NAALADL2: variants seen among roughly 807,000 people sequenced by gnomAD.
NAALADL2 encodes the protein N-acetylated alpha-linked acidic dipeptidase like 2, also known as inactive N-acetylated-alpha-linked acidic dipeptidase-like protein 2.
In NAALADL2, 76 loss-of-function variants were observed where a neutral mutation model predicts 87.2. The ratio of observed to expected loss-of-function variants is 0.87; its 90% CI spans 0.72 to 1.05. The LOEUF (loss-of-function observed/expected upper bound fraction) is 1.05. NAALADL2 is among the 50% of genes least tolerant of loss of function. NAALADL2 has a pLI of 0.00. For missense variants in NAALADL2, 1,089 were observed against 945.8 expected (o/e 1.15, Z -1.99); for synonymous variants, 354 against 331.0 (o/e 1.07, Z -0.75).
At chr3:175,033,568 T>C (rs1270860855) in intron 1 of NAALADL2, among the ~76,000 whole-genome samples, 2 of 152,240 alleles carry the variant, frequency 1.3e-5, no homozygotes, top group South Asian at 4.1e-4. Context: ...CCTGATCCCA[T>C]AGTTGTATCT....
At chr3:174,862,144 T>C (rs1307698236) in intron 1 of NAALADL2, among the ~76,000 whole-genome samples, 1 of 152,026 alleles carries the variant, frequency 6.6e-6, no homozygotes. Flanking sequence ...GTTGCAAATA[T>C]GAATAAAATT....
At chr3:175,056,195 G>T (rs1293082267) in intron 1 of NAALADL2, among the ~76,000 whole-genome samples, 2 of 152,140 alleles carry the variant, frequency 1.3e-5, no homozygotes, top group African/African-American at 4.8e-5. Context: ...GTACAGAAGG[G>T]TAGGGATGAA....
chr3:174,949,980 G>A (rs1179411782), intron 1 of NAALADL2, among the ~76,000 whole-genome samples: 1 of 152,140 alleles, frequency 6.6e-6, no homozygotes, highest in Non-Finnish European at 1.5e-5. Flanking sequence ...ACCATTGAGG[G>A]CAGGTCTAAG....
chr3:174,823,239 T>TC (rs1721619817), intron 3 of NAALADL2, among the ~76,000 whole-genome samples: 1 of 152,110 alleles, frequency 6.6e-6, no homozygotes, highest in Non-Finnish European at 1.5e-5. Flanking sequence ...TCTTTCCTCT[T>TC]CTTTTTTTTT....
intron 5 of NAALADL2, among the ~76,000 whole-genome samples, chr3:175,439,136 A>G (rs1719255799): frequency 6.6e-6 from 1 of 152,176 alleles, no homozygotes; most frequent in African/African-American, 2.4e-5. Context: ...TTAACTTAGA[A>G]TAATGATCTC....
chr3:174,455,621 C>A (rs916343204), intron 1 of NAALADL2, among the ~76,000 whole-genome samples: 5 of 152,056 alleles, frequency 3.3e-5, no homozygotes, highest in Admixed American at 2.0e-4. Flanking sequence ...AAGACAAAAC[C>A]ATATGATCAT....
At chr3:174,625,338 A>G (rs901690594) in intron 2 of NAALADL2, among the ~76,000 whole-genome samples, 3 of 152,036 alleles carry the variant, frequency 2.0e-5, no homozygotes, top group Admixed American at 6.6e-5. Context: ...TACTACAGCC[A>G]TAAGCCACCA....
At chr3:175,086,380 T>C (rs1718913197) in intron 1 of NAALADL2, among the ~76,000 whole-genome samples, 1 of 151,520 alleles carries the variant, frequency 6.6e-6, no homozygotes, top group South Asian at 2.1e-4. Context: ...GAGGAAAACA[T>C]ATATAAATTT....
intron 2 of NAALADL2, among the ~76,000 whole-genome samples, chr3:174,651,139 T>C (rs935657609): frequency 6.6e-6 from 1 of 152,216 alleles, no homozygotes; most frequent in African/African-American, 2.4e-5. Context: ...GAATATGATT[T>C]GAAAACTATT....
At chr3:175,504,489 G>C (rs1729986152) in intron 9 of NAALADL2, among the ~76,000 whole-genome samples, 1 of 151,868 alleles carries the variant, frequency 6.6e-6, no homozygotes, top group African/African-American at 2.4e-5. Flanking sequence ...CATCAGGGTG[G>C]GGCCCTAATC....
rs139809783 is a variant in NAALADL2 at position 175,302,848 on chromosome 3, A to ATG, written c.940-21307_940-21306dup. On this transcript the variant is annotated intron_variant, in intron 4 of 13. Transcript: ENST00000454872. ...AACGTGTGTGTATATATGTGTGTGT[A>ATG]TGTGTGTGTGTGTGTGTGTGTATAT... 6.6e-3 allele frequency among the ~76,000 whole-genome samples: 982 copies of ATG among 148,912 alleles called. 7 individuals are homozygous for ATG. The highest frequency in any genetic ancestry group is 0.015 in the African/African-American group (615 of 40,710).
At chr3:174,819,996 G>A (rs1721245445) in intron 3 of NAALADL2, among the ~76,000 whole-genome samples, 1 of 152,108 alleles carries the variant, frequency 6.6e-6, no homozygotes, top group Non-Finnish European at 1.5e-5. Flanking sequence ...GAGAGGCTGG[G>A]GGTAGATCTA....
chr3:175,715,818 T>A (rs1741164381), intron 11 of NAALADL2, among the ~76,000 whole-genome samples: 1 of 152,056 alleles, frequency 6.6e-6, no homozygotes. Context: ...GAGGTTGCAG[T>A]GAGCCAAGAT....
chr3:174,762,321 T>A (rs76996154), intron 3 of NAALADL2, among the ~76,000 whole-genome samples: 785 of 113,552 alleles, frequency 6.9e-3, no homozygotes, highest in Middle Eastern at 0.03. Flanking sequence ...GCCTGGCTAA[T>A]TTTTTGTATT....
intron 1 of NAALADL2, among the ~76,000 whole-genome samples, chr3:175,000,283 G>T (rs1252646568): frequency 6.6e-6 from 1 of 152,172 alleles, no homozygotes; most frequent in Admixed American, 6.6e-5. Context: ...TGCAATAGAA[G>T]TATATGCAAG....
chr3:174,450,493 T>C (rs1715405036), intron 1 of NAALADL2, among the ~76,000 whole-genome samples: 1 of 152,218 alleles, frequency 6.6e-6, no homozygotes, highest in South Asian at 2.1e-4. Context: ...TTTCAGATTC[T>C]TGCTACTCTT....
chr3:174,581,451 G>A (rs372735135), intron 2 of NAALADL2, among the ~76,000 whole-genome samples: 27 of 151,886 alleles, frequency 1.8e-4, no homozygotes, highest in East Asian at 3.9e-4. Context: ...ATGTCCATGC[G>A]TTCAAGAGCA....
intron 1 of NAALADL2, among the ~76,000 whole-genome samples, chr3:174,931,921 G>C (rs1330320545): frequency 1.3e-5 from 2 of 152,190 alleles, no homozygotes; most frequent in African/African-American, 4.8e-5. Flanking sequence ...TAATTCATGA[G>C]TTTTAGATAT....
At chr3:175,573,585 C>T (rs1718404678) in intron 9 of NAALADL2, among the ~76,000 whole-genome samples, 1 of 152,208 alleles carries the variant, frequency 6.6e-6, no homozygotes, top group Non-Finnish European at 1.5e-5. Flanking sequence ...AAAAACCTAG[C>T]TAAACAAATA....
Sources: gnomAD v4.1 joint callset for allele counts (sites outside exome capture counted in the v4.1 genomes callset) on GRCh38, gnomAD v4.1.1 for gene constraint, MANE v1.5 for transcripts, NCBI Gene and HGNC (gene_info 2026-07-23, HGNC 2026-07-21) for gene names.